Variants in DPY19L2 observed in about 807,000 individuals in gnomAD.
The protein encoded by DPY19L2 is dpy-19 like 2.
In DPY19L2, 34 loss-of-function variants were observed where a neutral mutation model predicts 97.9. That is an observed-to-expected ratio of 0.35 (90% CI 0.26 to 0.46). The LOEUF (loss-of-function observed/expected upper bound fraction) is 0.46. Ranked by LOEUF, DPY19L2 falls within the 20% of genes least tolerant of loss-of-function variation. The pLI, the probability that DPY19L2 is intolerant of heterozygous loss-of-function variation, is 1.00. For synonymous variants in DPY19L2, 230 were observed against 307.9 expected, an observed-to-expected ratio of 0.75 and a Z score of 2.65; for missense variants, 623 against 911.4, an observed-to-expected ratio of 0.68 and a Z score of 4.07.
At chr12:63,563,388 A>G (rs55967465) in intron 21 of DPY19L2, among the ~76,000 whole-genome samples, 5,833 of 152,204 alleles carry the variant, frequency 0.038, 395 homozygotes, top group African/African-American at 0.13. Flanking sequence ...TCTTCCAGAA[A>G]TTTTATATTC....
chr12:63,593,078 A>C (rs1368601766), intron 16 of DPY19L2, among the ~76,000 whole-genome samples: 20 of 151,914 alleles, frequency 1.3e-4, no homozygotes, highest in Non-Finnish European at 2.5e-4. Context: ...TGCAAATCAA[A>C]ACCACAATGA....
At chr12:63,566,189 T>C (rs1266420586) in intron 21 of DPY19L2, among the ~76,000 whole-genome samples, 1 of 152,078 alleles carries the variant, frequency 6.6e-6, no homozygotes, top group Non-Finnish European at 1.5e-5. Flanking sequence ...AAATTACTGA[T>C]ATGGTTTGAT....
intron 12 of DPY19L2, among the ~76,000 whole-genome samples, chr12:63,605,581 T>C: frequency 6.6e-6 from 1 of 152,128 alleles, no homozygotes; most frequent in East Asian, 1.9e-4. Context: ...GACACACTGG[T>C]AGTAATGAGT....
At chr12:63,604,661 T>G (rs565489726) in intron 12 of DPY19L2, among the ~76,000 whole-genome samples, 2 of 152,264 alleles carry the variant, frequency 1.3e-5, no homozygotes, top group African/African-American at 2.4e-5. Flanking sequence ...TCAGTTATTG[T>G]ATTTTTCAGT....
intron 1 of DPY19L2, among the ~76,000 whole-genome samples, chr12:63,667,120 G>C (rs1032052255): frequency 2.6e-5 from 4 of 152,016 alleles, no homozygotes; most frequent in Admixed American, 6.6e-5. Context: ...CTGTATGCAA[G>C]CACGGTTGCT....
intron 5 of DPY19L2, among the ~76,000 whole-genome samples, chr12:63,646,506 T>C (rs1893429877): frequency 6.6e-6 from 1 of 152,076 alleles, no homozygotes; most frequent in Non-Finnish European, 1.5e-5. Flanking sequence ...TACAAACAAG[T>C]CTAAAAATTT....
At chr12:63,652,739 AAAG>A (rs1387610102) in intron 4 of DPY19L2, among the ~76,000 whole-genome samples, 1 of 152,166 alleles carries the variant, frequency 6.6e-6, no homozygotes, top group Non-Finnish European at 1.5e-5. Flanking sequence ...ACATGGACAC[AAAG>A]AAGGGAACAA....
intron 11 of DPY19L2, among the ~76,000 whole-genome samples, chr12:63,612,060 A>G (rs1887097276): frequency 6.6e-6 from 1 of 152,084 alleles, no homozygotes; most frequent in Non-Finnish European, 1.5e-5. Flanking sequence ...TTATTTACAG[A>G]CGAAAGCGTA....
intron 4 of DPY19L2, among the ~76,000 whole-genome samples, chr12:63,647,705 G>C (rs1157898250): frequency 6.6e-6 from 1 of 152,084 alleles, no homozygotes; most frequent in Non-Finnish European, 1.5e-5. Flanking sequence ...TGAAAAAGGA[G>C]GATTTGCACT....
intron 19 of DPY19L2, among the ~76,000 whole-genome samples, chr12:63,573,899 C>T (rs1363405950): frequency 6.6e-6 from 1 of 152,046 alleles, no homozygotes; most frequent in Non-Finnish European, 1.5e-5. Flanking sequence ...ATTTCATTCA[C>T]ACCAGACCTA....
intron 11 of DPY19L2, among the ~76,000 whole-genome samples, chr12:63,610,648 C>T (rs1258581741): frequency 2.0e-5 from 3 of 150,564 alleles, no homozygotes; most frequent in Non-Finnish European, 4.4e-5. Context: ...AGGAAAACCT[C>T]GAACCAGATG....
chr12:63,647,532 A>T (rs1893587183), intron 4 of DPY19L2, among the ~76,000 whole-genome samples, 167 bp from the exon 5 acceptor site: 1 of 152,116 alleles, frequency 6.6e-6, no homozygotes, highest in Admixed American at 6.6e-5. Flanking sequence ...TTGGCAAACT[A>T]TCGCAAGGAC....
chr12:63,582,467 C>G lies in DPY19L2; in HGVS notation c.1664G>C (p.Arg555Thr). The change falls in exon 18 of 22, where the codon AGG becomes ACG. Residue 555 changes from arginine (R) to threonine (T), a missense_variant. Transcript: ENST00000324472. ...GTGCGGTGTCAAAAACATCTTTAGC[C>G]TCATAATTAAAATGGCAAGGGCAGT... ...VFTALAILIM[R>T]LKMFLTPHMC... 1 of 1,613,500 alleles carries G rather than the reference C, an allele frequency of 6.2e-7. No homozygotes were observed. The highest frequency in any genetic ancestry group is 8.5e-7 in the Non-Finnish European group (1 of 1,179,670).
At chr12:63,627,119 T>A (rs541395982) in intron 6 of DPY19L2, among the ~76,000 whole-genome samples, 2 of 152,134 alleles carry the variant, frequency 1.3e-5, no homozygotes, top group East Asian at 3.9e-4. Context: ...CTTTAGAGTC[T>A]AGATCACATC....
At chr12:63,574,472 C>T (rs1365835682) in intron 19 of DPY19L2, among the ~76,000 whole-genome samples, 2 of 151,990 alleles carry the variant, frequency 1.3e-5, no homozygotes, top group Non-Finnish European at 2.9e-5. Flanking sequence ...AATAATAACA[C>T]TGAAGGTAAA....
At chr12:63,599,293 CTAAA>C (rs1208007566) in intron 13 of DPY19L2, among the ~76,000 whole-genome samples, 1 of 151,194 alleles carries the variant, frequency 6.6e-6, no homozygotes, top group Non-Finnish European at 1.5e-5. Context: ...CTTAGAAGGC[CTAAA>C]TAAAGTTTAT....
intron 21 of DPY19L2, among the ~76,000 whole-genome samples, chr12:63,562,100 G>T (rs190083000): frequency 1.3e-5 from 2 of 152,192 alleles, no homozygotes; most frequent in East Asian, 3.9e-4. Context: ...TTTTTTAGCA[G>T]ATGTATTAAG....
In DPY19L2 at chr12:63,591,425, C is replaced by A. The variant is rs191572047; in HGVS notation, c.1580+2662G>T. Among the ~76,000 whole-genome samples the A allele has an allele frequency of 2.8e-3, 430 of 152,188 alleles. 1 individual carries two copies. Among genetic ancestry groups the A allele is most frequent in the Middle Eastern group, 0.024 (7 of 294 alleles). ...ATGCTCACCACCTGGATACAATATA[C>A]CCATATAACAAGACTGTACATGTGC... is the stretch of plus-strand genomic sequence containing the variant. On this transcript the variant is annotated intron_variant, in intron 16 of 21. Coordinates refer to ENST00000324472, the MANE Select transcript of DPY19L2 (RefSeq NM_173812.5).
chr12:63,568,940 T>C (rs1420839265), intron 21 of DPY19L2, among the ~76,000 whole-genome samples: 1 of 151,918 alleles, frequency 6.6e-6, no homozygotes, highest in African/African-American at 2.4e-5. Context: ...AGATATCTAA[T>C]AAAAATTTTC....
Sources: allele counts gnomAD v4.1 joint callset (sites outside exome capture counted in the v4.1 genomes callset), GRCh38; gene constraint gnomAD v4.1.1; transcripts MANE v1.5; gene names NCBI Gene and HGNC (gene_info 2026-07-23, HGNC 2026-07-21).